The following CALN1 variants were observed in gnomAD, a reference collection of about 807,000 sequenced individuals.
CALN1 encodes the protein calneuron 1.
CALN1 carries 17 observed loss-of-function variants against 30.6 expected under a neutral mutation model. The observed-to-expected ratio is 0.56, with a 90% CI of 0.38 to 0.83. The LOEUF (loss-of-function observed/expected upper bound fraction) is 0.83. Ranked by LOEUF, CALN1 falls within the 40% of genes least tolerant of loss-of-function variation. CALN1 has a pLI of 0.00. For synonymous variants in CALN1, 156 were observed against 131.4 expected (o/e 1.19, Z -1.28); for missense variants, 291 against 354.9 (o/e 0.82, Z 1.45).
intron 3 of CALN1, among the ~76,000 whole-genome samples, chr7:72,150,643 CAG>C (rs1787159005): frequency 6.6e-6 from 1 of 152,114 alleles, no homozygotes; most frequent in African/African-American, 2.4e-5. Context: ...ATTGGCAGAG[CAG>C]AGAGAACGTG....
At chr7:72,059,903 A>ACGCGTGGAACATGCAGAGAC (rs1803529204) in intron 4 of CALN1, among the ~76,000 whole-genome samples, 2 of 152,302 alleles carry the variant, frequency 1.3e-5, no homozygotes, top group African/African-American at 4.8e-5. Context: ...CATGCAGAGA[A>ACGCGTGGAACATGCAGAGAC]CGCATGGAAC....
intron 4 of CALN1, among the ~76,000 whole-genome samples, chr7:72,028,608 T>C (rs1177730103): frequency 6.6e-6 from 1 of 152,178 alleles, no homozygotes; most frequent in African/African-American, 2.4e-5. Flanking sequence ...ATCATGGAAA[T>C]ATTTGCTTCT....
chr7:72,011,900 C>A (rs1160577734), intron 5 of CALN1, among the ~76,000 whole-genome samples: 2 of 152,128 alleles, frequency 1.3e-5, no homozygotes, highest in Non-Finnish European at 2.9e-5. Flanking sequence ...TCTCCAAGTG[C>A]TGGGATTACA....
chr7:71,960,285 C>T (rs1204276304), intron 5 of CALN1, among the ~76,000 whole-genome samples: 1 of 152,116 alleles, frequency 6.6e-6, no homozygotes, highest in Non-Finnish European at 1.5e-5. Flanking sequence ...GGACAGTGTA[C>T]ACTGTACCCA....
chr7:71,851,804 A>G (rs1790664083), intron 5 of CALN1, among the ~76,000 whole-genome samples: 1 of 152,180 alleles, frequency 6.6e-6, no homozygotes, highest in South Asian at 2.1e-4. Flanking sequence ...CCCGATGCAG[A>G]AAAGTGCACA....
rs56695086 is a variant in CALN1, at chr7:72,338,470, AGTGTGTGTGTGT to A, written c.120-59672_120-59661del. On this transcript the variant is annotated intron_variant, in intron 2 of 6. Transcript: ENST00000395275. ...GGGCGTTTTTGTCAGCCAGCAGCAC[AGTGTGTGTGTGT>A]GTGTGTGTGTGTGTGTGTGTGTGTG... Among the ~76,000 whole-genome samples the A allele has an allele frequency of 8.0e-3, 601 of 74,802 alleles. 7 individuals are homozygous for A. Among genetic ancestry groups the A allele is most frequent in the South Asian group, 0.024 (47 of 1,990 alleles). 49.1% of individuals were successfully genotyped at this position (74,802 alleles called of 152,430 possible).
chr7:72,183,025 A>T (rs1789929479), intron 3 of CALN1, among the ~76,000 whole-genome samples: 1 of 152,114 alleles, frequency 6.6e-6, no homozygotes, highest in Non-Finnish European at 1.5e-5. Flanking sequence ...TAATATGGTC[A>T]GCTCTATGGG....
chr7:72,068,966 A>G (rs1279791118), intron 4 of CALN1, among the ~76,000 whole-genome samples: 1 of 152,240 alleles, frequency 6.6e-6, no homozygotes, highest in Non-Finnish European at 1.5e-5. Context: ...ACTGGAGGAA[A>G]TAGGTACACT....
rs554576903 is a variant in CALN1 at position 72,093,029 on chromosome 7, C to T, written c.388+13122G>A. 3.0e-4 allele frequency among the ~76,000 whole-genome samples: 45 copies of T among 152,168 alleles called. No homozygotes were observed. In the South Asian group the frequency reaches 3.9e-3, roughly 13 times the overall value. ...CTATTTGGGGGTATATTTATTGCTG[C>T]AGCATAACTTAGCCTATCCTTACTG... On this transcript the variant is annotated intron_variant, in intron 4 of 6. Transcript: ENST00000395275.
chr7:71,935,631 G>C (rs1037676671), intron 5 of CALN1, among the ~76,000 whole-genome samples: 2 of 152,222 alleles, frequency 1.3e-5, no homozygotes, highest in Admixed American at 6.5e-5. Flanking sequence ...GCTGAGGAAG[G>C]AGAATCGCTT....
intron 3 of CALN1, among the ~76,000 whole-genome samples, chr7:72,142,757 G>A (rs989999579): frequency 1.3e-5 from 2 of 152,080 alleles, no homozygotes; most frequent in Non-Finnish European, 2.9e-5. Flanking sequence ...CACACGGCTG[G>A]GTACCCCTCT....
At chr7:71,790,606 C>T (rs994143227) in intron 6 of CALN1, among the ~76,000 whole-genome samples, 27 of 152,214 alleles carry the variant, frequency 1.8e-4, no homozygotes, top group African/African-American at 5.8e-4. Context: ...TTAGAGGAGA[C>T]ATCTGTGCCC....
upstream of CALN1, among the ~76,000 whole-genome samples, chr7:72,447,732 C>T (rs548988539): frequency 7.8e-4 from 118 of 151,126 alleles, no homozygotes; most frequent in Non-Finnish European, 1.2e-3. Context: ...CACCTGCCCA[C>T]GCACAAACAT....
the CALN1 span, among the ~76,000 whole-genome samples, chr7:72,475,421 T>G: frequency 6.6e-6 from 1 of 152,066 alleles, no homozygotes; most frequent in Non-Finnish European, 1.5e-5. Flanking sequence ...ATCGCGCCAC[T>G]GCACTCCGGC....
chr7:72,387,398 T>C (rs1805297528), intron 2 of CALN1, among the ~76,000 whole-genome samples: 1 of 152,076 alleles, frequency 6.6e-6, no homozygotes, highest in East Asian at 1.9e-4. Context: ...TTAAGTGTAG[T>C]CTGTGCAGTG....
At chr7:72,479,146 C>T in the CALN1 span, among the ~76,000 whole-genome samples, 2,539 of 152,252 alleles carry the variant, frequency 0.017, 266 homozygotes, top group East Asian at 0.28. Context: ...TCCCAAAGTG[C>T]TGAGATTACA....
At chr7:72,076,748 T>C (rs1211977652) in intron 4 of CALN1, among the ~76,000 whole-genome samples, 1 of 149,452 alleles carries the variant, frequency 6.7e-6, no homozygotes, top group Non-Finnish European at 1.5e-5. Context: ...TCCTATCCTT[T>C]GGAAAATTCT....
At chr7:71,996,070 C>G (rs1799237999) in intron 5 of CALN1, among the ~76,000 whole-genome samples, 1 of 152,096 alleles carries the variant, frequency 6.6e-6, no homozygotes, top group South Asian at 2.1e-4. Flanking sequence ...ACCAGGCTGG[C>G]TAATAGAGCA....
At chr7:72,382,612 C>T (rs889417091) in intron 2 of CALN1, among the ~76,000 whole-genome samples, 1 of 152,168 alleles carries the variant, frequency 6.6e-6, no homozygotes, top group African/African-American at 2.4e-5. Context: ...TTCCCCACCT[C>T]CCTCCCTTTC....
Sources: gnomAD v4.1 joint callset for allele counts (sites outside exome capture counted in the v4.1 genomes callset) on GRCh38, gnomAD v4.1.1 for gene constraint, MANE v1.5 for transcripts, NCBI Gene and HGNC (gene_info 2026-07-23, HGNC 2026-07-21) for gene names.